GABRB3: variants seen among roughly 807,000 people sequenced by gnomAD.
The protein encoded by GABRB3 is gamma-aminobutyric acid receptor subunit beta-3.
GABRB3 carries 14 observed loss-of-function variants against 52.1 expected under a neutral mutation model. The observed-to-expected ratio is 0.27, with a 90% CI of 0.18 to 0.42. The LOEUF is 0.42. Ranked by LOEUF, GABRB3 falls within the 10% of genes least tolerant of loss-of-function variation. The pLI is 1.00. For synonymous variants in GABRB3, 260 were observed against 232.3 expected, an observed-to-expected ratio of 1.12 and a Z score of -1.08; for missense variants, 307 against 609.1, an observed-to-expected ratio of 0.50 and a Z score of 5.22.
At chr15:26,567,782 C>G in intron 6 of GABRB3, 49 bp from the exon 7 acceptor site, 1 of 1,594,168 alleles carries the variant, frequency 6.3e-7, no homozygotes. Context: ...ACATGGCAGA[C>G]TAAAGAGTTT....
At chr15:26,688,691 G>C (rs576505483) in intron 3 of GABRB3, among the ~76,000 whole-genome samples, 2 of 152,296 alleles carry the variant, frequency 1.3e-5, no homozygotes, top group African/African-American at 2.4e-5. Context: ...TCACTGCATT[G>C]GTTCTATGGG....
chr15:26,770,047 C>T (rs889847914), intron 3 of GABRB3, among the ~76,000 whole-genome samples: 1 of 152,172 alleles, frequency 6.6e-6, no homozygotes, highest in South Asian at 2.1e-4. Flanking sequence ...CCCTCTAAAA[C>T]GTGAGTCCCT....
At chr15:26,733,809 C>T (rs181148063) in intron 3 of GABRB3, among the ~76,000 whole-genome samples, 86 of 152,184 alleles carry the variant, frequency 5.7e-4, no homozygotes, top group African/African-American at 2.0e-3. Context: ...GAATAGAGGC[C>T]TCAGAAATAA....
At chr15:26,554,207 A>ATATATATTTATTTATTTATT (rs1348288306) in intron 8 of GABRB3, among the ~76,000 whole-genome samples, 1 of 57,832 alleles carries the variant, frequency 1.7e-5, no homozygotes, top group Non-Finnish European at 4.1e-5. Context: ...ATATATATAT[A>ATATATATTTATTTATTTATT]TAGTAGAAAC....
At position 26,642,413 on chromosome 15, in the gene GABRB3, G is replaced by GTA. The variant is rs551896139; in HGVS notation, c.241-20881_241-20880dup. 4,152 of 1,176,028 alleles carry GTA rather than the reference G, an allele frequency of 3.5e-3. 12 individuals are homozygous for GTA. The highest frequency in any genetic ancestry group is 4.1e-3 in the Non-Finnish European group (3,649 of 889,260). The allele number at this position is 1,176,028 out of a possible 1,614,324, so 72.8% of individuals were successfully genotyped here. A position where few individuals can be genotyped will look rare whatever the true frequency, so the allele number is the denominator to read the frequency against. On this transcript the variant is annotated intron_variant, in intron 3 of 8. Coordinates refer to ENST00000311550, the MANE Select transcript of GABRB3 (RefSeq NM_000814.6). Reference sequence around the variant, plus strand: ...CCTGAATATACTGAGGGGCAACTGTGTATATATATGTATACATACATTTTC... The same window carrying GTA: ...CCTGAATATACTGAGGGGCAACTGTGTATATATATATGTATACATACATTTTC...
chr15:26,674,464 A>AAAAG (rs56220022), intron 3 of GABRB3, among the ~76,000 whole-genome samples: 7 of 137,602 alleles, frequency 5.1e-5, no homozygotes, highest in East Asian at 4.1e-4. Flanking sequence ...AAAGAAAAGA[A>AAAAG]AAAGAAAGAA....
chr15:26,587,227 A>T (rs1364787610), intron 4 of GABRB3, among the ~76,000 whole-genome samples: 4 of 152,128 alleles, frequency 2.6e-5, no homozygotes, highest in Non-Finnish European at 4.4e-5. Context: ...ATTTACAATT[A>T]AAAAAATGGA....
chr15:26,752,388 C>T (rs1236027541), intron 3 of GABRB3, among the ~76,000 whole-genome samples: 5 of 151,914 alleles, frequency 3.3e-5, no homozygotes, highest in East Asian at 1.9e-4. Context: ...CTCAGCCTCC[C>T]GAGTAGCTGG....
At chr15:26,561,973 C>A (rs1380684050) in intron 7 of GABRB3, among the ~76,000 whole-genome samples, 4 of 152,170 alleles carry the variant, frequency 2.6e-5, no homozygotes, top group Non-Finnish European at 5.9e-5. Flanking sequence ...ATGTTGAATT[C>A]TTTACATAGT....
chr15:26,574,683 G>C (rs1890528279), intron 6 of GABRB3, among the ~76,000 whole-genome samples: 1 of 152,156 alleles, frequency 6.6e-6, no homozygotes, highest in South Asian at 2.1e-4. Flanking sequence ...GAAATGTACT[G>C]AAGAGACAAA....
intron 3 of GABRB3, among the ~76,000 whole-genome samples, chr15:26,756,442 G>A (rs1446106366): frequency 9.2e-5 from 14 of 151,812 alleles, no homozygotes; most frequent in Admixed American, 8.5e-4. Flanking sequence ...GCCAGGTGTG[G>A]TGGTGCACAC....
At chr15:26,604,475 AG>A (rs1428835650) in intron 4 of GABRB3, among the ~76,000 whole-genome samples, 2 of 152,230 alleles carry the variant, frequency 1.3e-5, no homozygotes, top group Non-Finnish European at 2.9e-5. Flanking sequence ...CCTAAGCAAA[AG>A]GAACAAAATT....
At chr15:26,689,994 T>G (rs1304970368) in intron 3 of GABRB3, among the ~76,000 whole-genome samples, 1 of 152,180 alleles carries the variant, frequency 6.6e-6, no homozygotes, top group Non-Finnish European at 1.5e-5. Context: ...TTCATTTTTA[T>G]TTCTCTAACC....
chr15:26,625,033 A>C (rs911093722), intron 3 of GABRB3: 1 of 894,916 alleles, frequency 1.1e-6, no homozygotes, highest in African/African-American at 1.8e-5. Context: ...TGAAGTAACA[A>C]AAATTGAAGA....
chr15:26,766,285 A>T (rs989043946), intron 3 of GABRB3, among the ~76,000 whole-genome samples: 1 of 152,226 alleles, frequency 6.6e-6, no homozygotes, highest in Non-Finnish European at 1.5e-5. Context: ...TTACTCATAG[A>T]CGAAAAAGAA....
At chr15:26,566,793 G>A (rs1011082942) in intron 7 of GABRB3, among the ~76,000 whole-genome samples, 1 of 151,982 alleles carries the variant, frequency 6.6e-6, no homozygotes, top group Non-Finnish European at 1.5e-5. Flanking sequence ...TTTTTTGTAA[G>A]GTACTTTGCC....
chr15:26,648,534 G>A (rs538034492), intron 3 of GABRB3, among the ~76,000 whole-genome samples: 1 of 152,306 alleles, frequency 6.6e-6, no homozygotes, highest in East Asian at 1.9e-4. Flanking sequence ...CCCGAAGAAA[G>A]GGGCAGAGAA....
chr15:26,686,479 T>C (rs1467295084), intron 3 of GABRB3, among the ~76,000 whole-genome samples: 1 of 152,182 alleles, frequency 6.6e-6, no homozygotes, highest in East Asian at 1.9e-4. Context: ...ATGAGATCCA[T>C]TACTATACAC....
intron 3 of GABRB3, among the ~76,000 whole-genome samples, chr15:26,730,397 G>A (rs61998735): frequency 0.44 from 62,018 of 141,080 alleles, 15,542 homozygotes; most frequent in Admixed American, 0.61. Context: ...CAGCCTGGGC[G>A]ACAGAGCGAG....
Sources: allele counts gnomAD v4.1 joint callset (sites outside exome capture counted in the v4.1 genomes callset), GRCh38; gene constraint gnomAD v4.1.1; transcripts MANE v1.5; gene names NCBI Gene and HGNC (gene_info 2026-07-23, HGNC 2026-07-21).